Variants in SYNE1 observed in about 807,000 individuals in gnomAD.
SYNE1 encodes nesprin-1.
In SYNE1, 616 loss-of-function variants were observed where a neutral mutation model predicts 1,111.0. The ratio of observed to expected loss-of-function variants is 0.55; its 90% CI spans 0.52 to 0.59. The LOEUF is 0.59. Among genes scored for constraint, SYNE1 ranks in the 20% least tolerant of loss-of-function variants. The pLI, the probability that SYNE1 is intolerant of heterozygous loss-of-function variation, is 0.00. For missense variants in SYNE1, 10,006 were observed against 10,417.0 expected, an observed-to-expected ratio of 0.96 and a Z score of 1.72; for synonymous variants, 3,855 against 3,825.8, an observed-to-expected ratio of 1.01 and a Z score of -0.28.
rs946973425 is a variant in SYNE1, at chr6:152,121,847, T to C, written c.*589A>G. 1.9e-5 allele frequency: 3 copies of C among 154,386 alleles called. No homozygotes were observed. The highest frequency in any genetic ancestry group is 4.3e-5 in the Non-Finnish European group (3 of 69,212). The allele number at this position is 154,386 out of a possible 1,614,324, so 9.6% of individuals were successfully genotyped here. On this transcript the variant is annotated 3_prime_UTR_variant, in exon 146 of 146. Transcript: ENST00000367255. ...TTATTTATTACATCTAGTTTTTCTTTATACCTCTAAAAAAAAGTGCCTTTT... is the reference window on the plus strand; with the variant it reads ...TTATTTATTACATCTAGTTTTTCTTCATACCTCTAAAAAAAAGTGCCTTTT...
intron 101 of SYNE1, among the ~76,000 whole-genome samples, chr6:152,261,009 G>A (rs574325556): frequency 1.3e-5 from 2 of 152,152 alleles, no homozygotes; most frequent in African/African-American, 4.8e-5. Context: ...ATTTAACTCT[G>A]GCAGGTTGCG....
chr6:152,497,060 C>T (rs1288542564), intron 11 of SYNE1, among the ~76,000 whole-genome samples: 2 of 152,138 alleles, frequency 1.3e-5, no homozygotes, highest in Non-Finnish European at 2.9e-5. Flanking sequence ...CTCTGTCTCC[C>T]TTTGCTGACT....
chr6:152,380,927 ATTT>A, intron 56 of SYNE1, 76 bp downstream of exon 56: 1 of 1,279,022 alleles, frequency 7.8e-7, no homozygotes, highest in East Asian at 2.6e-5. Flanking sequence ...AGTTAGCAAG[ATTT>A]TTTTTTTAAG....
intron 44 of SYNE1, among the ~76,000 whole-genome samples, chr6:152,408,234 T>G (rs1450548935): frequency 2.0e-5 from 3 of 152,224 alleles, no homozygotes; most frequent in African/African-American, 2.4e-5. Flanking sequence ...ATCACTGAAT[T>G]TTTTAGCTGG....
At chr6:152,574,194 A>G (rs962686485) in intron 3 of SYNE1, among the ~76,000 whole-genome samples, 13 of 107,160 alleles carry the variant, frequency 1.2e-4, no homozygotes, top group African/African-American at 5.3e-4. Context: ...ATATACACAT[A>G]AATATATACA....
At chr6:152,263,709 T>A (rs183735205) in intron 100 of SYNE1, among the ~76,000 whole-genome samples, 3 of 152,222 alleles carry the variant, frequency 2.0e-5, no homozygotes, top group Admixed American at 2.0e-4. Flanking sequence ...AGTTTAACTT[T>A]TAGAGTGAGA....
intron 17 of SYNE1, 27 bp from the exon 18 acceptor site, chr6:152,465,487 C>A (rs371869290): frequency 1.3e-6 from 2 of 1,595,576 alleles, no homozygotes; most frequent in Middle Eastern, 1.7e-4. Flanking sequence ...CAATTATAAC[C>A]CTTATCTCAT....
intron 75 of SYNE1, among the ~76,000 whole-genome samples, chr6:152,338,152 A>G (rs534364495): frequency 6.6e-6 from 1 of 152,280 alleles, no homozygotes; most frequent in African/African-American, 2.4e-5. Context: ...TTTCTCCAAA[A>G]TAAAATAAAA....
chr6:152,206,963 T>C lies in SYNE1; in HGVS notation c.22825-601A>G, dbSNP rs141355362. 5.8e-3 allele frequency among the ~76,000 whole-genome samples: 882 copies of C among 152,104 alleles called. 7 individuals carry two copies. The highest frequency in any genetic ancestry group is 0.02 in the African/African-American group (834 of 41,476). On this transcript the variant is annotated intron_variant, in intron 125 of 145. Transcript: ENST00000367255. Reference sequence around the variant, plus strand: ...AGTGACTGGGGTTCACAGAAGAATATTGATGTTGGGATTAAAGTTTTCATA... The same window carrying C: ...AGTGACTGGGGTTCACAGAAGAATACTGATGTTGGGATTAAAGTTTTCATA...
intron 29 of SYNE1, among the ~76,000 whole-genome samples, chr6:152,446,336 A>T (rs1386941335): frequency 6.6e-6 from 1 of 152,172 alleles, no homozygotes; most frequent in Non-Finnish European, 1.5e-5. Flanking sequence ...GGATTGAAAT[A>T]GGTTATGTTC....
In SYNE1 at chr6:152,510,384, TA is replaced by T; in HGVS notation, c.403-14del. 1 of 1,613,390 alleles carries T rather than the reference TA, an allele frequency of 6.2e-7. No homozygotes were observed. The highest frequency in any genetic ancestry group is 8.5e-7 in the Non-Finnish European group (1 of 1,179,736). On this transcript the variant is annotated splice_polypyrimidine_tract_variant and intron_variant, in intron 7 of 145. Transcript: ENST00000367255. ...TCAACTCTTCAATCTGTTTGTGAGT[TA>T]ACAGCCAGCAAAAATATAAGCATTA...
chr6:152,409,642 T>C lies in SYNE1; in HGVS notation c.6298A>G (p.Lys2100Glu), dbSNP rs1297878328. The C allele has an allele frequency of 2.5e-6, 4 of 1,613,814 alleles. No homozygotes were observed. In the African/African-American group the frequency reaches 5.3e-5, roughly 22 times the overall value. The change falls in exon 43 of 146, where the codon AAA becomes GAA. Residue 2100 changes from lysine (K) to glutamate (E), a missense_variant. By Grantham distance (56) the Lys-to-Glu change is moderately conservative. Around this residue, in one of 7 missense-constraint regions of SYNE1, gnomAD observed 4,955 missense variants for 5,017.2 expected, o/e 0.99. Coordinates refer to ENST00000367255, the MANE Select transcript of SYNE1 (RefSeq NM_182961.4). ...EYQNLKSAVS[K>E]VLENASSVIV... ...ACACTGCTGGCATTTTCTAAGACTT[T>C]AGATACAGCTGATTTCAGGTTCTGA... is the stretch of plus-strand genomic sequence containing the variant.
intron 100 of SYNE1, among the ~76,000 whole-genome samples, chr6:152,266,218 T>G (rs2092684883): frequency 6.6e-6 from 1 of 152,178 alleles, no homozygotes; most frequent in Non-Finnish European, 1.5e-5. Context: ...TACAGTTGTT[T>G]GTATTTCATT....
At chr6:152,409,407 G>T in intron 43 of SYNE1, 152 bp downstream of exon 43, 1 of 1,158,754 alleles carries the variant, frequency 8.6e-7, no homozygotes, top group Non-Finnish European at 1.2e-6. Flanking sequence ...ATCCTAGAAT[G>T]TCAGCATTCC....
chr6:152,270,055 C>T (rs2093073314), intron 98 of SYNE1, among the ~76,000 whole-genome samples: 2 of 152,184 alleles, frequency 1.3e-5, no homozygotes, highest in Admixed American at 6.5e-5. Context: ...AGACACTGAA[C>T]TAGGCAGGAA....
At chr6:152,218,213 G>A in intron 121 of SYNE1, 44 bp downstream of exon 121, 1 of 1,608,898 alleles carries the variant, frequency 6.2e-7, no homozygotes, top group South Asian at 1.1e-5. Flanking sequence ...GATTTTTGAA[G>A]ACAGATGGTA....
intron 3 of SYNE1, among the ~76,000 whole-genome samples, chr6:152,557,174 T>C (rs1218720665): frequency 2.0e-5 from 3 of 151,312 alleles, no homozygotes; most frequent in Non-Finnish European, 2.9e-5. Context: ...CTGAAAAAAA[T>C]TGCATAGACA....
intron 125 of SYNE1, 33 bp downstream of exon 125, chr6:152,207,939 A>T (rs371083300): frequency 5.9e-5 from 95 of 1,608,802 alleles, no homozygotes; most frequent in Non-Finnish European, 7.9e-5. Flanking sequence ...GAAATGCCTA[A>T]GAGGTGTGAG....
At chr6:152,419,754 C>A in intron 39 of SYNE1, 32 bp from the exon 40 acceptor site, 1 of 1,610,718 alleles carries the variant, frequency 6.2e-7, no homozygotes, top group South Asian at 1.1e-5. Flanking sequence ...GTTAAAATGT[C>A]CCATAAGTAA....
Sources: allele counts gnomAD v4.1 joint callset (sites outside exome capture counted in the v4.1 genomes callset), GRCh38; gene constraint gnomAD v4.1.1; regional missense constraint gnomAD v4.1.1; transcripts MANE v1.5; gene names NCBI Gene and HGNC (gene_info 2026-07-23, HGNC 2026-07-21).